Variants in GPHN observed in about 807,000 individuals in gnomAD.
The protein encoded by GPHN is gephyrin.
In GPHN, 17 loss-of-function variants were observed where a neutral mutation model predicts 95.5. The ratio of observed to expected loss-of-function variants is 0.18; its 90% confidence interval spans 0.12 to 0.27. GPHN has a LOEUF of 0.27. Ranked by LOEUF, GPHN falls within the 10% of genes least tolerant of loss-of-function variation. The probability of loss-of-function intolerance (pLI) is 1.00; values close to 1 mark genes in which losing one functional copy is unlikely to be tolerated. For missense variants in GPHN, 660 were observed against 978.1 expected (o/e 0.67, Z 4.34); for synonymous variants, 320 against 322.5 (o/e 0.99, Z 0.08).
chr14:66,773,331 G>A (rs934159911), intron 2 of GPHN, among the ~76,000 whole-genome samples: 3 of 150,756 alleles, frequency 2.0e-5, no homozygotes, highest in African/African-American at 7.3e-5. Context: ...CAAATCTTAG[G>A]AATTTTTGAT....
chr14:67,702,572 T>C, the GPHN span, among the ~76,000 whole-genome samples: 3 of 152,206 alleles, frequency 2.0e-5, no homozygotes, highest in Admixed American at 2.0e-4. Flanking sequence ...ATATGTATGT[T>C]GACAATTTTG....
intron 9 of GPHN, among the ~76,000 whole-genome samples, chr14:66,982,164 A>G (rs978407425): frequency 1.3e-5 from 2 of 152,094 alleles, no homozygotes; most frequent in Non-Finnish European, 2.9e-5. Flanking sequence ...AAAATACTAC[A>G]TTTACAATTA....
chr14:66,956,551 T>G (rs2068518526), intron 8 of GPHN, among the ~76,000 whole-genome samples: 1 of 151,788 alleles, frequency 6.6e-6, no homozygotes, highest in Non-Finnish European at 1.5e-5. Context: ...CACCTGTTGT[T>G]TCCTGACTTT....
At chr14:67,495,585 C>T in the GPHN span, among the ~76,000 whole-genome samples, 10 of 152,010 alleles carry the variant, frequency 6.6e-5, no homozygotes, top group African/African-American at 1.7e-4. Context: ...CAGATTCAAG[C>T]GATTCTCCTG....
At chr14:67,230,759 C>T in the GPHN span, among the ~76,000 whole-genome samples, 1 of 152,192 alleles carries the variant, frequency 6.6e-6, no homozygotes, top group African/African-American at 2.4e-5. Context: ...TACAGTGATA[C>T]TACTTAGCAA....
At chr14:67,711,338 C>T in the GPHN span, among the ~76,000 whole-genome samples, 1 of 152,244 alleles carries the variant, frequency 6.6e-6, no homozygotes, top group East Asian at 1.9e-4. Flanking sequence ...TATGAAATTG[C>T]TTGATTAATA....
intron 4 of GPHN, among the ~76,000 whole-genome samples, chr14:66,841,097 A>G (rs1375541963): frequency 6.6e-6 from 1 of 151,770 alleles, no homozygotes; most frequent in African/African-American, 2.4e-5. Context: ...GCAATGAGTT[A>G]AGAAGTCACA....
chr14:66,593,118 G>A (rs1259383465), intron 1 of GPHN, among the ~76,000 whole-genome samples: 1 of 152,042 alleles, frequency 6.6e-6, no homozygotes, highest in African/African-American at 2.4e-5. Context: ...TGGACACAGG[G>A]CGTGGAATAT....
chr14:67,147,006 A>G (rs113021024), intron 18 of GPHN, among the ~76,000 whole-genome samples: 8,205 of 152,318 alleles, frequency 0.054, 228 homozygotes, highest in Middle Eastern at 0.068. Flanking sequence ...GCACTCCTGC[A>G]TGGGTGACAG....
chr14:67,149,023 T>A (rs902666522), intron 18 of GPHN, among the ~76,000 whole-genome samples: 1 of 151,942 alleles, frequency 6.6e-6, no homozygotes, highest in African/African-American at 2.4e-5. Flanking sequence ...TTAAAGAGAT[T>A]TTCAAAATTA....
At chr14:67,670,355 T>C in the GPHN span, among the ~76,000 whole-genome samples, 1 of 152,116 alleles carries the variant, frequency 6.6e-6, no homozygotes. Flanking sequence ...CCCACATACA[T>C]TCTAAGCTCC....
chr14:66,838,935 C>CT (rs1187081707), intron 4 of GPHN, among the ~76,000 whole-genome samples: 1 of 152,128 alleles, frequency 6.6e-6, no homozygotes, highest in Non-Finnish European at 1.5e-5. Context: ...TAAAAGGCAT[C>CT]TGATAGGGAT....
chr14:66,868,707 A>G (rs17780694), intron 4 of GPHN, among the ~76,000 whole-genome samples: 6,705 of 152,186 alleles, frequency 0.044, 190 homozygotes, highest in Middle Eastern at 0.068. Context: ...TGTTCTGTAC[A>G]TTTTTAAACA....
Position 67,122,394 on chromosome 14 carries a change from A to G in GPHN, c.1748+17A>G. The G allele has an allele frequency of 6.2e-7, 1 of 1,610,604 alleles. No homozygotes were observed. Among genetic ancestry groups the G allele is most frequent in the Admixed American group, 1.7e-5 (1 of 59,986 alleles). On this transcript the variant is annotated intron_variant, in intron 17 of 22. Coordinates refer to ENST00000478722, the MANE Select transcript of GPHN (RefSeq NM_020806.5). Reference sequence around the variant, plus strand: ...AGGAGACAAGTAAGTATTTGATGTCATTCTGAAAAGTTTGTATTGTACAAA... The same window carrying G: ...AGGAGACAAGTAAGTATTTGATGTCGTTCTGAAAAGTTTGTATTGTACAAA...
At chr14:67,157,161 G>A (rs920715028) in intron 18 of GPHN, among the ~76,000 whole-genome samples, 3 of 151,930 alleles carry the variant, frequency 2.0e-5, no homozygotes, top group Non-Finnish European at 4.4e-5. Context: ...TATAGCTGGT[G>A]TAGCTATATT....
At chr14:67,424,510 G>C in the GPHN span, among the ~76,000 whole-genome samples, 2 of 150,910 alleles carry the variant, frequency 1.3e-5, no homozygotes, top group East Asian at 3.9e-4. Context: ...GAGGTGGGGG[G>C]AGTGCTTGAG....
chr14:66,581,741 A>G (rs2061181789), intron 1 of GPHN, among the ~76,000 whole-genome samples: 1 of 151,966 alleles, frequency 6.6e-6, no homozygotes, highest in Non-Finnish European at 1.5e-5. Context: ...AAGCAGGAGT[A>G]GCTATACTTA....
At position 66,840,970 on chromosome 14, in the gene GPHN, G is replaced by GATAGATATAGAT. The variant is rs55658047; in HGVS notation, c.294+16457_294+16468dup. On this transcript the variant is annotated intron_variant, in intron 4 of 22. Transcript: ENST00000478722. ...TCAAATATGTACTTAAAGCCTACTA[G>GATAGATATAGAT]ATAGATATAGATATAGATATAGATA... Among the ~76,000 whole-genome samples the GATAGATATAGAT allele has an allele frequency of 2.4e-3, 289 of 121,368 alleles. 2 individuals are homozygous for GATAGATATAGAT. The highest frequency in any genetic ancestry group is 8.0e-3 in the East Asian group (34 of 4,226). The allele number at this position is 121,368 out of a possible 152,430, so 79.6% of individuals were successfully genotyped here.
intron 10 of GPHN, among the ~76,000 whole-genome samples, chr14:67,024,405 T>C (rs1380458303): frequency 2.0e-5 from 3 of 152,224 alleles, no homozygotes; most frequent in Non-Finnish European, 2.9e-5. Context: ...AATGACATCA[T>C]TCCATCTTCT....
Sources: gnomAD v4.1 joint callset for allele counts (sites outside exome capture counted in the v4.1 genomes callset) on GRCh38, gnomAD v4.1.1 for gene constraint, MANE v1.5 for transcripts, NCBI Gene and HGNC (gene_info 2026-07-23, HGNC 2026-07-21) for gene names.